NGLY1: variants seen among roughly 807,000 people sequenced by gnomAD.
NGLY1 encodes N-glycanase 1, also known as peptide-N(4)-(N-acetyl-beta-glucosaminyl)asparagine amidase.
A neutral mutation model predicts 84.6 loss-of-function variants in NGLY1; 68 were observed. The ratio of observed to expected loss-of-function variants is 0.80; its 90% CI spans 0.66 to 0.98. NGLY1 has a LOEUF of 0.98. Ranked by LOEUF, NGLY1 falls within the 50% of genes least tolerant of loss-of-function variation. The probability of loss-of-function intolerance (pLI) is 0.00; values close to 1 mark genes in which losing one functional copy is unlikely to be tolerated. For missense variants in NGLY1, 779 were observed against 770.2 expected (o/e 1.01, Z -0.14); for synonymous variants, 280 against 275.2 (o/e 1.02, Z -0.17).
chr3:25,779,222 G>GC (rs1042994039), intron 1 of NGLY1, among the ~76,000 whole-genome samples: 1 of 152,124 alleles, frequency 6.6e-6, no homozygotes, highest in African/African-American at 2.4e-5. Context: ...ACAGGCGTGA[G>GC]CCACCGCACC....
chr3:25,789,990 A>G (rs903521296), exon 1 of NGLY1: 4 of 1,205,410 alleles, frequency 3.3e-6, no homozygotes, highest in Admixed American at 2.0e-5. Context: ...GACGCGGCTT[A>G]AAGTCAACCG....
intron 4 of NGLY1, among the ~76,000 whole-genome samples, chr3:25,747,783 C>T (rs1559542260): frequency 6.6e-6 from 1 of 152,148 alleles, no homozygotes; most frequent in Non-Finnish European, 1.5e-5. Flanking sequence ...AATCTGCTTA[C>T]ATGGAAAAGA....
intron 2 of NGLY1, among the ~76,000 whole-genome samples, chr3:25,769,127 G>A (rs1332709441): frequency 2.0e-5 from 3 of 152,060 alleles, no homozygotes; most frequent in Non-Finnish European, 2.9e-5. Flanking sequence ...GGGAGACCAA[G>A]GTAGGTGTAT....
chr3:25,737,254 G>A lies in NGLY1; in HGVS notation c.1003+80C>T, dbSNP rs540775899. ...ACTGACAAGGCCAAAAAGTAACAGA[G>A]AATCATGGGCTCAGAATGTAAACCC... On this transcript the variant is annotated intron_variant, in intron 6 of 11. Coordinates refer to ENST00000280700, the MANE Select transcript of NGLY1 (RefSeq NM_018297.4). 2.4e-6 allele frequency: 3 copies of A among 1,234,136 alleles called. No individual in the cohort carries two copies. The Admixed American group carries it at 8.9e-5, about 37-fold the overall frequency. The allele number at this position is 1,234,136 out of a possible 1,614,324, so 76.4% of individuals were successfully genotyped here.
chr3:25,756,189 A>C (rs1282375751), intron 3 of NGLY1, among the ~76,000 whole-genome samples: 1 of 152,078 alleles, frequency 6.6e-6, no homozygotes, highest in Non-Finnish European at 1.5e-5. Context: ...GGCCTTCCTT[A>C]ATTCCCCAAC....
intron 4 of NGLY1, among the ~76,000 whole-genome samples, chr3:25,745,055 T>C (rs991838029): frequency 1.9e-4 from 29 of 152,152 alleles, no homozygotes; most frequent in Non-Finnish European, 4.0e-4. Context: ...ACCATACCAC[T>C]TATTTCACTA....
chr3:25,733,775 G>T, intron 8 of NGLY1, 97 bp downstream of exon 8: 1 of 564,660 alleles, frequency 1.8e-6, no homozygotes, highest in Non-Finnish European at 3.0e-6. Context: ...ATAAAACAAT[G>T]CTACTACTTT....
intron 8 of NGLY1, 30 bp from the exon 9 acceptor site, chr3:25,732,513 T>C (rs1705593950): frequency 6.3e-7 from 1 of 1,588,186 alleles, no homozygotes; most frequent in South Asian, 1.1e-5. Flanking sequence ...AAAAAGTTGT[T>C]AAGATTAGGG....
At chr3:25,736,472 ATGC>A in intron 6 of NGLY1, 1 of 1,225,928 alleles carries the variant, frequency 8.2e-7, no homozygotes. Flanking sequence ...GAAGGAGTTA[ATGC>A]CACTTTTGAA....
At chr3:25,736,429 G>A (rs1705829647) in intron 6 of NGLY1, 2 of 1,502,572 alleles carry the variant, frequency 1.3e-6, no homozygotes, top group Non-Finnish European at 1.8e-6. Context: ...TTAAAGAGCA[G>A]CATAAAAAAT....
upstream of NGLY1, among the ~76,000 whole-genome samples, chr3:25,787,572 T>C (rs1299923811): frequency 6.6e-6 from 1 of 152,186 alleles, no homozygotes; most frequent in Non-Finnish European, 1.5e-5. Flanking sequence ...ATATTTTAAG[T>C]GGCTTTGTTC....
At chr3:25,753,192 TTA>T (rs1706845891) in intron 3 of NGLY1, among the ~76,000 whole-genome samples, 2 of 152,122 alleles carry the variant, frequency 1.3e-5, no homozygotes, top group Non-Finnish European at 2.9e-5. Flanking sequence ...AGAAGAAACA[TTA>T]CACGCAAAGA....
chr3:25,745,778 A>T (rs1276992884), intron 4 of NGLY1, among the ~76,000 whole-genome samples: 1 of 152,158 alleles, frequency 6.6e-6, no homozygotes, highest in Non-Finnish European at 1.5e-5. Flanking sequence ...TTATTACTAG[A>T]TTAATCTTCC....
At chr3:25,782,593 C>G (rs922677107) in intron 1 of NGLY1, 1 of 152,098 alleles carries the variant, frequency 6.6e-6, no homozygotes, top group Non-Finnish European at 1.5e-5. Flanking sequence ...TACTCTCATC[C>G]AAGGCGATTA....
At chr3:25,723,519 C>G (rs971416848) in intron 10 of NGLY1, among the ~76,000 whole-genome samples, 1 of 151,864 alleles carries the variant, frequency 6.6e-6, no homozygotes, top group Non-Finnish European at 1.5e-5. Flanking sequence ...TATGTATACT[C>G]AGTTTAGTAA....
chr3:25,781,235 G>A (rs943865354), intron 1 of NGLY1, among the ~76,000 whole-genome samples: 1 of 152,186 alleles, frequency 6.6e-6, no homozygotes, highest in Non-Finnish European at 1.5e-5. Context: ...ACAGGTGTGA[G>A]CCACCGTGCC....
chr3:25,765,407 T>C lies in NGLY1; in HGVS notation c.247-1096A>G, dbSNP rs1156451447. Among the ~76,000 whole-genome samples, 5 of 146,574 alleles carry C rather than the reference T, an allele frequency of 3.4e-5. No individual in the cohort carries two copies. The South Asian group carries it at 1.1e-3, about 31-fold the overall frequency. ...CCTGGGAGGCAGAGGTGAGCTGAGATCGTGCCACTGCACTCCAGCCTAGGT... is the reference window on the plus strand; with the variant it reads ...CCTGGGAGGCAGAGGTGAGCTGAGACCGTGCCACTGCACTCCAGCCTAGGT... On this transcript the variant is annotated intron_variant, in intron 2 of 11. Coordinates refer to ENST00000280700, the MANE Select transcript of NGLY1 (RefSeq NM_018297.4).
chr3:25,719,727 T>C lies in NGLY1; in HGVS notation c.1790-92A>G. The stretch of plus-strand genomic sequence containing the variant: ...AATGTATTTTATATAGGCTGATGTA[T>C]AAGTTAAAATAAACCCTTAAAAATA... On this transcript the variant is annotated intron_variant, in intron 11 of 11. Transcript: ENST00000280700. 8.4e-6 allele frequency: 8 copies of C among 946,748 alleles called. No individual in the cohort carries two copies. The South Asian group carries it at 1.6e-4, about 19-fold the overall frequency. 58.6% of individuals were successfully genotyped at this position (946,748 alleles called of 1,614,324 possible). A position where few individuals can be genotyped will look rare whatever the true frequency, so the allele number is the denominator to read the frequency against.
At chr3:25,732,875 C>T (rs1705611517) in intron 8 of NGLY1, among the ~76,000 whole-genome samples, 1 of 152,146 alleles carries the variant, frequency 6.6e-6, no homozygotes, top group South Asian at 2.1e-4. Context: ...TTGAGTGCAA[C>T]AGAAAGCTGT....
Sources: allele counts gnomAD v4.1 joint callset (sites outside exome capture counted in the v4.1 genomes callset), GRCh38; gene constraint gnomAD v4.1.1; transcripts MANE v1.5; gene names NCBI Gene and HGNC (gene_info 2026-07-23, HGNC 2026-07-21).